The following DOCK5 variants were observed in gnomAD, a reference collection of about 807,000 sequenced individuals.
DOCK5 encodes dedicator of cytokinesis 5.
DOCK5 carries 142 observed loss-of-function variants against 251.8 expected under a neutral mutation model. The observed-to-expected ratio is 0.56, with a 90% confidence interval of 0.49 to 0.65. The LOEUF is 0.65. Among genes scored for constraint, DOCK5 ranks in the 30% least tolerant of loss-of-function variants. The pLI is 0.00. For missense variants in DOCK5, 2,111 were observed against 2,312.3 expected (o/e 0.91, Z 1.79); for synonymous variants, 842 against 835.5 (o/e 1.01, Z -0.13).
chr8:25,235,922 C>T (rs772097269), intron 1 of DOCK5, among the ~76,000 whole-genome samples: 15 of 151,700 alleles, frequency 9.9e-5, no homozygotes, highest in South Asian at 6.2e-4. Context: ...CTCAGCCTCC[C>T]GAGTAGCTAG....
At chr8:25,353,730 A>G (rs1324200063) in intron 27 of DOCK5, among the ~76,000 whole-genome samples, 1 of 152,120 alleles carries the variant, frequency 6.6e-6, no homozygotes, top group Non-Finnish European at 1.5e-5. Flanking sequence ...GAAGGGTAAG[A>G]ATGACTTAGG....
intron 1 of DOCK5, among the ~76,000 whole-genome samples, chr8:25,197,057 A>G (rs1462487008): frequency 6.6e-6 from 1 of 152,136 alleles, no homozygotes; most frequent in Non-Finnish European, 1.5e-5. Flanking sequence ...AATTAGTAGA[A>G]AGAAAAATCG....
chr8:25,264,383 CAAAA>C (rs1160631563), intron 2 of DOCK5, among the ~76,000 whole-genome samples: 7 of 150,724 alleles, frequency 4.6e-5, no homozygotes, highest in Non-Finnish European at 1.0e-4. Flanking sequence ...AAAAAAACAA[CAAAA>C]AAAACCTCAT....
chr8:25,334,914 A>G (rs1284780308), intron 21 of DOCK5, among the ~76,000 whole-genome samples: 1 of 152,160 alleles, frequency 6.6e-6, no homozygotes, highest in African/African-American at 2.4e-5. Context: ...ACAGGATATG[A>G]GAAGATTTCG....
chr8:25,292,888 AC>A (rs1365344267), intron 6 of DOCK5, among the ~76,000 whole-genome samples: 1 of 152,086 alleles, frequency 6.6e-6, no homozygotes, highest in Non-Finnish European at 1.5e-5. Flanking sequence ...TCTCCCCCTA[AC>A]CGGGACCATT....
intron 1 of DOCK5, among the ~76,000 whole-genome samples, chr8:25,231,538 G>A (rs1469496470): frequency 6.6e-6 from 1 of 152,144 alleles, no homozygotes; most frequent in East Asian, 1.9e-4. Flanking sequence ...ATTAGGCCCT[G>A]AAACCTCCCT....
chr8:25,200,965 G>A (rs1801866681), intron 1 of DOCK5, among the ~76,000 whole-genome samples: 1 of 152,104 alleles, frequency 6.6e-6, no homozygotes, highest in Non-Finnish European at 1.5e-5. Flanking sequence ...GGAGTGCAGT[G>A]GTGCAATCTC....
chr8:25,261,927 C>T (rs1273590593), intron 2 of DOCK5, among the ~76,000 whole-genome samples: 2 of 152,092 alleles, frequency 1.3e-5, no homozygotes, highest in Admixed American at 6.6e-5. Flanking sequence ...GTTGCACATC[C>T]GTAGTTCATT....
At chr8:25,324,021 T>G (rs1805495970) in intron 17 of DOCK5, 70 bp downstream of exon 17, 1 of 1,435,730 alleles carries the variant, frequency 7.0e-7, no homozygotes, top group African/African-American at 1.4e-5. Flanking sequence ...CCTTTCATAT[T>G]TATTTGTACA....
chr8:25,402,701 C>T (rs1472270929), intron 47 of DOCK5, among the ~76,000 whole-genome samples: 2 of 152,180 alleles, frequency 1.3e-5, no homozygotes, highest in Non-Finnish European at 2.9e-5. Flanking sequence ...GCCTCAGCCT[C>T]CCAAAATGCT....
At chr8:25,393,778 A>G (rs992368714) in intron 44 of DOCK5, among the ~76,000 whole-genome samples, 10 of 152,190 alleles carry the variant, frequency 6.6e-5, no homozygotes, top group Non-Finnish European at 1.3e-4. Context: ...CCATGTTTAC[A>G]TGTCCTGAGA....
chr8:25,381,773 G>A (rs1349956129), intron 39 of DOCK5, among the ~76,000 whole-genome samples: 1 of 152,096 alleles, frequency 6.6e-6, no homozygotes, highest in Non-Finnish European at 1.5e-5. Flanking sequence ...TAGGGGAGGG[G>A]GCTCAGGTCA....
At chr8:25,387,204 A>C (rs201371246) in intron 40 of DOCK5, among the ~76,000 whole-genome samples, 1 of 149,008 alleles carries the variant, frequency 6.7e-6, no homozygotes, top group African/African-American at 2.5e-5. Context: ...TTTTTTTTTA[A>C]GAGGTCTCGC....
intron 2 of DOCK5, among the ~76,000 whole-genome samples, chr8:25,263,665 T>C (rs1313745140): frequency 6.6e-6 from 1 of 150,756 alleles, no homozygotes; most frequent in Admixed American, 6.6e-5. Context: ...CACCCCCAAG[T>C]CCTATGTGCG....
chr8:25,343,714 C>T (rs573747473), intron 25 of DOCK5, among the ~76,000 whole-genome samples: 4 of 152,336 alleles, frequency 2.6e-5, no homozygotes, highest in South Asian at 4.1e-4. Context: ...CTCAACCCCA[C>T]GTTCAGTGAT....
rs75447960 is a variant in DOCK5 at position 25,363,931 on chromosome 8, C to A, written c.3045-695C>A. 4.5e-3 allele frequency among the ~76,000 whole-genome samples: 684 copies of A among 152,350 alleles called. 44 individuals carry two copies. The East Asian group carries it at 0.12, about 26-fold the overall frequency. Reference sequence around the variant, plus strand: ...TCTCTTCTTCCTTCGATTTTCCATACCCCATTCAAACCTTCTTATAGAATT... The same window carrying A: ...TCTCTTCTTCCTTCGATTTTCCATAACCCATTCAAACCTTCTTATAGAATT... On this transcript the variant is annotated intron_variant, in intron 29 of 51. Coordinates refer to ENST00000276440, the MANE Select transcript of DOCK5 (RefSeq NM_024940.8).
In DOCK5 at chr8:25,411,821, A is replaced by G. The variant is rs1001468793; in HGVS notation, c.*523A>G. 12 of 152,280 alleles carry G rather than the reference A, an allele frequency of 7.9e-5. No individual in the cohort carries two copies. The highest frequency in any genetic ancestry group is 3.9e-4 in the East Asian group (2 of 5,194). The allele number at this position is 152,280 out of a possible 1,614,324, so 9.4% of individuals were successfully genotyped here. On this transcript the variant is annotated 3_prime_UTR_variant, in exon 52 of 52. Coordinates refer to ENST00000276440, the MANE Select transcript of DOCK5 (RefSeq NM_024940.8). The stretch of plus-strand genomic sequence containing the variant: ...AAATAATCATATCTTTCTGATGTCT[A>G]TTGTATCTCCTTTGAGGAAAAGAAC...
chr8:25,224,579 G>A (rs182751952), intron 1 of DOCK5, among the ~76,000 whole-genome samples: 1 of 152,316 alleles, frequency 6.6e-6, no homozygotes, highest in East Asian at 1.9e-4. Context: ...AAGTAAGAAC[G>A]CTTCAACTAG....
At chr8:25,258,806 T>C (rs1219216385) in intron 2 of DOCK5, among the ~76,000 whole-genome samples, 1 of 152,138 alleles carries the variant, frequency 6.6e-6, no homozygotes, top group Non-Finnish European at 1.5e-5. Flanking sequence ...GAAGGACAGT[T>C]CCCTGTTTTG....
Sources: allele counts gnomAD v4.1 joint callset (sites outside exome capture counted in the v4.1 genomes callset), GRCh38; gene constraint gnomAD v4.1.1; transcripts MANE v1.5; gene names NCBI Gene and HGNC (gene_info 2026-07-23, HGNC 2026-07-21).